The following DEUP1 variants were observed in gnomAD, a reference collection of about 807,000 sequenced individuals.
DEUP1 encodes the protein coiled-coil domain containing 67.
A neutral mutation model predicts 87.4 loss-of-function variants in DEUP1; 82 were observed. That is an observed-to-expected ratio of 0.94 (90% CI 0.78 to 1.13). The LOEUF (loss-of-function observed/expected upper bound fraction) is 1.13. DEUP1 is among the 50% of genes most tolerant of loss of function. DEUP1 has a pLI of 0.00. For synonymous variants in DEUP1, 214 were observed against 222.7 expected, an observed-to-expected ratio of 0.96 and a Z score of 0.35; for missense variants, 663 against 681.5, an observed-to-expected ratio of 0.97 and a Z score of 0.30.
intron 2 of DEUP1, among the ~76,000 whole-genome samples, chr11:93,353,191 CA>C (rs1398264321): frequency 2.0e-5 from 3 of 152,168 alleles, no homozygotes; most frequent in African/African-American, 4.8e-5. Context: ...TTGGCCAAAA[CA>C]GAGGGGTTAC....
Position 93,370,081 on chromosome 11 carries a change from A to G in DEUP1, c.441A>G (p.Arg147=), listed in dbSNP as rs771370232. The change falls in exon 6 of 14, where the codon AGA becomes AGG. Residue 147 remains arginine (R), a synonymous_variant. Coordinates refer to ENST00000298050, the MANE Select transcript of DEUP1 (RefSeq NM_181645.4). The part of the protein sequence containing the change: ...SNLNQKLEEF[R]AKSREWDKQE... ...TCCCCACTTTTTAAAAGGAATTTAG[A>G]GCAAAGTCAAGAGAATGGGACAAGC... is the stretch of plus-strand genomic sequence containing the variant. 8.2e-6 allele frequency: 13 copies of G among 1,588,326 alleles called. No individual in the cohort carries two copies. The Middle Eastern group carries it at 1.0e-3, about 122-fold the overall frequency.
At chr11:93,427,812 G>A (rs542173353) in intron 13 of DEUP1, among the ~76,000 whole-genome samples, 58 of 140,988 alleles carry the variant, frequency 4.1e-4, no homozygotes, top group African/African-American at 1.3e-3. Context: ...AAAAGTCGGC[G>A]AAGGTCATGA....
chr11:93,348,226 T>A (rs1200979625), intron 2 of DEUP1, among the ~76,000 whole-genome samples: 1 of 152,240 alleles, frequency 6.6e-6, no homozygotes, highest in Non-Finnish European at 1.5e-5. Context: ...TATTTGGATC[T>A]TCTCTCTTTT....
Position 93,353,114 on chromosome 11 carries a change from T to C in DEUP1, c.30-2257T>C, listed in dbSNP as rs573847706. Among the ~76,000 whole-genome samples, 13 of 152,282 alleles carry C rather than the reference T, an allele frequency of 8.5e-5. No homozygotes were observed. The East Asian group carries it at 2.3e-3, about 27-fold the overall frequency. On this transcript the variant is annotated intron_variant, in intron 2 of 13. Coordinates refer to ENST00000298050, the MANE Select transcript of DEUP1 (RefSeq NM_181645.4). ...TGAGCCTGTAAGATCAAAAGCAAGC[T>C]AGTTACTTCCTAGATATAATAGGGG... is the stretch of plus-strand genomic sequence containing the variant.
rs917827983 is a variant in DEUP1, at chr11:93,383,651, A to G, written c.790-1747A>G. The G allele has an allele frequency of 1.9e-5, 12 of 648,070 alleles. No individual in the cohort carries two copies. The East Asian group carries it at 2.0e-4, about 11-fold the overall frequency. The allele number at this position is 648,070 out of a possible 1,614,324, so 40.1% of individuals were successfully genotyped here. A position where few individuals can be genotyped will look rare whatever the true frequency, so the allele number is the denominator to read the frequency against. On this transcript the variant is annotated intron_variant, in intron 7 of 13. Coordinates refer to ENST00000298050, the MANE Select transcript of DEUP1 (RefSeq NM_181645.4). ...TTCAATGAATATTATTAATAATTCA[A>G]TAATATTGATTATATTTCAATGAAT...
chr11:93,437,217 G>C (rs1324646420), intron 13 of DEUP1, among the ~76,000 whole-genome samples: 1 of 152,182 alleles, frequency 6.6e-6, no homozygotes, highest in Non-Finnish European at 1.5e-5. Flanking sequence ...ATTTTCAAAT[G>C]AAAATCATTG....
At chr11:93,337,542 C>T (rs922662474) in intron 2 of DEUP1, among the ~76,000 whole-genome samples, 1 of 152,150 alleles carries the variant, frequency 6.6e-6, no homozygotes, top group Non-Finnish European at 1.5e-5. Context: ...CCCATATACA[C>T]GTATATTCCT....
At chr11:93,352,311 G>A (rs1360341372) in intron 2 of DEUP1, 1 of 701,966 alleles carries the variant, frequency 1.4e-6, no homozygotes, top group African/African-American at 1.7e-5. Flanking sequence ...AGGCTGAAGT[G>A]TAAGACCTCA....
chr11:93,355,282 T>C (rs897971333), intron 2 of DEUP1, 89 bp from the exon 3 acceptor site: 13 of 1,094,248 alleles, frequency 1.2e-5, no homozygotes, highest in Non-Finnish European at 1.6e-5. Context: ...CAGGAAATAA[T>C]GTTCAAGCTA....
At chr11:93,436,303 T>C (rs558545282) in intron 13 of DEUP1, among the ~76,000 whole-genome samples, 1 of 152,322 alleles carries the variant, frequency 6.6e-6, no homozygotes, top group African/African-American at 2.4e-5. Context: ...GTGATAGTCT[T>C]TGGAATGTCC....
chr11:93,430,683 T>C (rs1178562508), intron 13 of DEUP1, among the ~76,000 whole-genome samples: 2 of 152,142 alleles, frequency 1.3e-5, no homozygotes, highest in Admixed American at 6.6e-5. Flanking sequence ...TTGCACAACA[T>C]TGTGAATGTA....
At chr11:93,361,959 A>G (rs1387107794) in intron 4 of DEUP1, among the ~76,000 whole-genome samples, 1 of 152,086 alleles carries the variant, frequency 6.6e-6, no homozygotes, top group Non-Finnish European at 1.5e-5. Flanking sequence ...AGATAATTCA[A>G]TAAAGAAAGA....
At chr11:93,340,884 G>A (rs780572214) in intron 2 of DEUP1, among the ~76,000 whole-genome samples, 1 of 152,154 alleles carries the variant, frequency 6.6e-6, no homozygotes, top group East Asian at 1.9e-4. Context: ...AAGTGAAGAC[G>A]TTTGTCGTAT....
chr11:93,354,922 A>C (rs887966573), intron 2 of DEUP1, among the ~76,000 whole-genome samples: 1 of 152,166 alleles, frequency 6.6e-6, no homozygotes, highest in African/African-American at 2.4e-5. Context: ...CCTCTCCTTG[A>C]GGAGCCATAC....
intron 2 of DEUP1, among the ~76,000 whole-genome samples, chr11:93,335,194 G>T (rs1157229391): frequency 6.9e-6 from 1 of 144,966 alleles, no homozygotes; most frequent in Admixed American, 6.7e-5. Context: ...ATTTCAAGGG[G>T]CATTTAGTTA....
At chr11:93,351,396 T>C (rs753001383) in intron 2 of DEUP1, among the ~76,000 whole-genome samples, 1 of 152,190 alleles carries the variant, frequency 6.6e-6, no homozygotes, top group Non-Finnish European at 1.5e-5. Flanking sequence ...GCGTCTACTA[T>C]GTGCTGTGGT....
chr11:93,364,248 A>G lies in DEUP1; in HGVS notation c.386A>G (p.Lys129Arg). The stretch of plus-strand genomic sequence containing the variant: ...CCACGAAAAGAATTACCACACCTTA[A>G]AGAAGAAATACCCTTTGAACTGAGC... ...KVPRKELPHLKEEIPFELSNL... is the reference protein window; with the variant it reads ...KVPRKELPHLREEIPFELSNL... The change falls in exon 5 of 14, where the codon AAA becomes AGA. Residue 129 changes from lysine (K) to arginine (R), a missense_variant. Transcript: ENST00000298050. 6.2e-7 allele frequency: 1 copy of G among 1,610,502 alleles called. No homozygotes were observed. Among genetic ancestry groups the G allele is most frequent in the Non-Finnish European group, 8.5e-7 (1 of 1,177,174 alleles).
chr11:93,356,737 C>G lies in DEUP1; in HGVS notation c.202-211C>G, dbSNP rs537996802. On this transcript the variant is annotated intron_variant, in intron 3 of 13. Transcript: ENST00000298050. Reference sequence around the variant, plus strand: ...AAGGATCTTTTGTTAAACATCCGTACTGTCCTAATGTGTACCTTGTGGAAT... The same window carrying G: ...AAGGATCTTTTGTTAAACATCCGTAGTGTCCTAATGTGTACCTTGTGGAAT... Among the ~76,000 whole-genome samples the G allele has an allele frequency of 3.3e-5, 5 of 152,270 alleles. No individual in the cohort carries two copies. In the East Asian group the frequency reaches 9.6e-4, roughly 29 times the overall value.
In DEUP1 at chr11:93,364,145, TTC is replaced by T. The variant is rs1233577270; in HGVS notation, c.298-13_298-12del. ...TTGGTAATAGTAAAATGTTAACATT[TTC>T]TGTGATTTACAGTTTTCCAAACTAA... On this transcript the variant is annotated splice_polypyrimidine_tract_variant and intron_variant, in intron 4 of 13. Coordinates refer to ENST00000298050, the MANE Select transcript of DEUP1 (RefSeq NM_181645.4). 1 of 1,531,064 alleles carries T rather than the reference TTC, an allele frequency of 6.5e-7. No individual in the cohort carries two copies. Among genetic ancestry groups the T allele is most frequent in the Non-Finnish European group, 9.0e-7 (1 of 1,116,980 alleles). The allele number at this position is 1,531,064 out of a possible 1,614,324, so 94.8% of individuals were successfully genotyped here.
Sources: gnomAD v4.1 joint callset for allele counts (sites outside exome capture counted in the v4.1 genomes callset) on GRCh38, gnomAD v4.1.1 for gene constraint, MANE v1.5 for transcripts, NCBI Gene and HGNC (gene_info 2026-07-23, HGNC 2026-07-21) for gene names.